The following DMD variants were observed in gnomAD, a reference collection of about 807,000 sequenced individuals.
DMD encodes dystrophin, also known as mutant dystrophin.
In DMD, 63 loss-of-function variants were observed where a neutral mutation model predicts 330.1. That is an observed-to-expected ratio of 0.19 (90% CI 0.16 to 0.24). The LOEUF (loss-of-function observed/expected upper bound fraction) is 0.24, where lower values mean the gene tolerates loss of function less well. Among genes scored for constraint, DMD ranks in the 10% least tolerant of loss-of-function variants. The pLI, the probability that DMD is intolerant of heterozygous loss-of-function variation, is 1.00. For synonymous variants in DMD, 1,223 were observed against 959.8 expected (o/e 1.27, Z -5.07); for missense variants, 3,344 against 2,684.1 (o/e 1.25, Z -5.43).
At chrX:33,153,895 T>A (rs1298879709) in intron 1 of DMD, among the ~76,000 whole-genome samples, 2 of 112,238 alleles carry the variant, frequency 1.8e-5, no homozygotes, top group Admixed American at 1.9e-4. Context: ...AAATAAGTCA[T>A]ACGATACAAT....
chrX:32,926,574 A>G (rs2146635665), intron 2 of DMD, among the ~76,000 whole-genome samples: 1 of 109,694 alleles, frequency 9.1e-6, no homozygotes, highest in East Asian at 2.9e-4. Context: ...ACATAGTGAA[A>G]CCCCGTCTCT....
At chrX:31,781,454 A>G (rs1412187526) in intron 50 of DMD, among the ~76,000 whole-genome samples, 2 of 112,276 alleles carry the variant, frequency 1.8e-5, no homozygotes, top group Non-Finnish European at 3.8e-5. Context: ...AGAGAAGATC[A>G]TTTGATATAG....
Position 32,432,347 on chromosome X carries a change from T to C in DMD, c.4071+5894A>G, listed in dbSNP as rs146409136. 8.2e-3 allele frequency among the ~76,000 whole-genome samples: 918 copies of C among 111,990 alleles called. 8 individuals are homozygous for C. Among genetic ancestry groups the C allele is most frequent in the South Asian group, 0.049 (131 of 2,677 alleles). On this transcript the variant is annotated intron_variant, in intron 29 of 78. Coordinates refer to ENST00000357033, the MANE Select transcript of DMD (RefSeq NM_004006.3). ...TTGGGGTTCCCAGTCTTAGCTTTTA[T>C]CTCCACCATACAAATGTCAGTGGTC...
chrX:32,555,430 G>A (rs2050190798), intron 16 of DMD, among the ~76,000 whole-genome samples: 1 of 111,766 alleles, frequency 8.9e-6, no homozygotes, highest in Non-Finnish European at 1.9e-5. Flanking sequence ...AGTATTGGAA[G>A]TTCTGACCAG....
intron 50 of DMD, among the ~76,000 whole-genome samples, chrX:31,781,494 C>T (rs775938021): frequency 2.6e-3 from 291 of 111,822 alleles, no homozygotes; most frequent in Non-Finnish European, 3.7e-3. Context: ...AACAATCAAG[C>T]GCATCTGGCA....
chrX:33,009,880 A>C, intron 2 of DMD, among the ~76,000 whole-genome samples: 2 of 69,534 alleles, frequency 2.9e-5, no homozygotes, highest in South Asian at 2.0e-3. Flanking sequence ...ATATGTGTAT[A>C]TACACACATA....
rs764728826 is a variant in DMD, at chrX:32,425,802, A to G, written c.4071+12439T>C. On this transcript the variant is annotated intron_variant, in intron 29 of 78. Transcript: ENST00000357033. ...GGTACAAAAACAGTCACATAGACCA[A>G]TGAAACAGAATGGAAAGCCCAGAAA... Among the ~76,000 whole-genome samples the G allele has an allele frequency of 9.9e-5, 11 of 111,572 alleles. 1 individual carries two copies. The Admixed American group carries it at 1.1e-3, about 11-fold the overall frequency.
intron 47 of DMD, among the ~76,000 whole-genome samples, chrX:31,879,487 T>A (rs988434664): frequency 7.2e-5 from 8 of 111,566 alleles, no homozygotes; most frequent in African/African-American, 2.3e-4. Flanking sequence ...TTGTAAAAAA[T>A]TATTTAATAA....
intron 63 of DMD, among the ~76,000 whole-genome samples, chrX:31,254,986 A>T (rs1456834850): frequency 9.5e-6 from 1 of 105,302 alleles, no homozygotes; most frequent in Non-Finnish European, 1.9e-5. Context: ...TCAAAGCTGC[A>T]GTGAGCCATG....
intron 50 of DMD, among the ~76,000 whole-genome samples, chrX:31,805,016 A>G (rs1371796974): frequency 2.7e-5 from 3 of 110,986 alleles, no homozygotes; most frequent in Non-Finnish European, 3.8e-5. Context: ...ATCTTGATCC[A>G]TATTGTATCC....
chrX:32,122,507 C>T (rs2096641037), intron 44 of DMD, among the ~76,000 whole-genome samples: 1 of 111,485 alleles, frequency 9.0e-6, no homozygotes, highest in Non-Finnish European at 1.9e-5. Context: ...ATCAAGCTGC[C>T]CAGATGATTC....
At chrX:32,627,767 T>A (rs1019076277) in intron 11 of DMD, among the ~76,000 whole-genome samples, 2 of 111,830 alleles carry the variant, frequency 1.8e-5, no homozygotes, top group East Asian at 2.8e-4. Context: ...TTTGGTGGAA[T>A]TTTATACAGA....
chrX:31,928,973 G>C (rs1217189795), intron 47 of DMD, among the ~76,000 whole-genome samples: 1 of 111,781 alleles, frequency 8.9e-6, no homozygotes, highest in Non-Finnish European at 1.9e-5. Flanking sequence ...GGAAATGATT[G>C]TCTTTGAATG....
At chrX:32,731,617 C>A (rs1324999571) in intron 7 of DMD, among the ~76,000 whole-genome samples, 1 of 112,251 alleles carries the variant, frequency 8.9e-6, no homozygotes, top group Non-Finnish European at 1.9e-5. Context: ...GACCCCCGAG[C>A]ACCCTAACTG....
In DMD at chrX:32,767,389, G is replaced by A. The variant is rs751189801; in HGVS notation, c.649+42104C>T. On this transcript the variant is annotated intron_variant, in intron 7 of 78. Coordinates refer to ENST00000357033, the MANE Select transcript of DMD (RefSeq NM_004006.3). ...AAAAAACCCCAAAATGATTTTCCGTGTTATAGAAGATCATACTCCAAAATT... is the reference window on the plus strand; with the variant it reads ...AAAAAACCCCAAAATGATTTTCCGTATTATAGAAGATCATACTCCAAAATT... Among the ~76,000 whole-genome samples, 3 of 111,523 alleles carry A rather than the reference G, an allele frequency of 2.7e-5. No homozygotes were observed. In the South Asian group the frequency reaches 1.1e-3, roughly 42 times the overall value.
chrX:32,196,876 C>T (rs1411761062), intron 44 of DMD, among the ~76,000 whole-genome samples: 1 of 104,474 alleles, frequency 9.6e-6, no homozygotes, highest in Non-Finnish European at 1.9e-5. Flanking sequence ...GTACCAGCTA[C>T]TCGGGAGGCT....
Position 32,958,961 on chromosome X carries a change from G to T in DMD, c.93+61178C>A, listed in dbSNP as rs59467027. Among the ~76,000 whole-genome samples the T allele has an allele frequency of 5.1e-3, 554 of 108,937 alleles. 6 individuals carry two copies. In the East Asian group the frequency reaches 0.058, roughly 11 times the overall value. 94.6% of individuals were successfully genotyped at this position (108,937 alleles called of 115,157 possible). A position where few individuals can be genotyped will look rare whatever the true frequency, so the allele number is the denominator to read the frequency against. ...TAAAACAGGCATACAGGAATTTTTTGGGGGGGGATGAGGGGTGTGTTATTT... is the reference window on the plus strand; with the variant it reads ...TAAAACAGGCATACAGGAATTTTTTTGGGGGGGATGAGGGGTGTGTTATTT... On this transcript the variant is annotated intron_variant, in intron 2 of 78. Transcript: ENST00000357033.
intron 71 of DMD, 123 bp downstream of exon 71, chrX:31,177,809 G>T: frequency 1.6e-6 from 1 of 624,467 alleles, no homozygotes; most frequent in South Asian, 2.7e-5. Flanking sequence ...GAAGGAAGGG[G>T]AATTAATATG....
chrX:32,813,663 C>G (rs753613955), intron 6 of DMD, among the ~76,000 whole-genome samples: 1 of 111,561 alleles, frequency 9.0e-6, no homozygotes, highest in South Asian at 3.7e-4. Context: ...GCCAAAAACA[C>G]CTATCTTTAC....
Sources: allele counts gnomAD v4.1 joint callset (sites outside exome capture counted in the v4.1 genomes callset), GRCh38; gene constraint gnomAD v4.1.1; transcripts MANE v1.5; gene names NCBI Gene and HGNC (gene_info 2026-07-23, HGNC 2026-07-21).